The following EPN1 variants were observed in gnomAD, a reference collection of about 807,000 sequenced individuals.
EPN1 encodes the protein epsin-1.
A neutral mutation model predicts 56.9 loss-of-function variants in EPN1; 25 were observed. The ratio of observed to expected loss-of-function variants is 0.44; its 90% confidence interval spans 0.32 to 0.61. EPN1 has a LOEUF of 0.61. Among genes scored for constraint, EPN1 ranks in the 20% least tolerant of loss-of-function variants. EPN1 has a pLI of 0.05. For synonymous variants in EPN1, 411 were observed against 361.8 expected, an observed-to-expected ratio of 1.14 and a Z score of -1.54; for missense variants, 785 against 823.7, an observed-to-expected ratio of 0.95 and a Z score of 0.58.
rs988880645 is a variant in EPN1 at position 55,685,665 on chromosome 19, C to G, written c.478+20C>G. ...CCACGGGTGAGTCCCTCCCTGCGGCCCCTGACGGCCTAGAGTCTGTCCTCC... is the reference window on the plus strand; with the variant it reads ...CCACGGGTGAGTCCCTCCCTGCGGCGCCTGACGGCCTAGAGTCTGTCCTCC... On this transcript the variant is annotated intron_variant, in intron 3 of 10. Coordinates refer to ENST00000270460, the MANE Select transcript of EPN1 (RefSeq NM_001130072.2). The G allele has an allele frequency of 4.4e-6, 7 of 1,577,668 alleles. No homozygotes were observed. The highest frequency in any genetic ancestry group is 1.4e-5 in the African/African-American group (1 of 74,036).
rs1035109025 is a variant in EPN1 at position 55,697,415 on chromosome 19, G to C, written c.*2059G>C. 2 of 152,206 alleles carry C rather than the reference G, an allele frequency of 1.3e-5. No individual in the cohort carries two copies. Among genetic ancestry groups the C allele is most frequent in the African/African-American group, 2.4e-5 (1 of 41,440 alleles). 9.4% of individuals were successfully genotyped at this position (152,206 alleles called of 1,614,324 possible). The stretch of plus-strand genomic sequence containing the variant: ...AATTAAGGATAAGTTTCACGATTTC[G>C]CACTGCGGAGCCTGCACTCCCTTTC... On this transcript the variant is annotated 3_prime_UTR_variant, in exon 11 of 11. Coordinates refer to ENST00000270460, the MANE Select transcript of EPN1 (RefSeq NM_001130072.2).
In EPN1 at chr19:55,689,504, T is replaced by G; in HGVS notation, c.678+133T>G. 1.2e-5 allele frequency: 8 copies of G among 676,004 alleles called. No individual in the cohort carries two copies. The highest frequency in any genetic ancestry group is 1.8e-5 in the Non-Finnish European group (7 of 383,772). 41.9% of individuals were successfully genotyped at this position (676,004 alleles called of 1,614,324 possible). A position where few individuals can be genotyped will look rare whatever the true frequency, so the allele number is the denominator to read the frequency against. ...AGGCTCACGCGTGTTGAAACCTCAG[T>G]ACCTTCAGCCGTAGGATGTAGGACC... On this transcript the variant is annotated intron_variant, in intron 5 of 10. Transcript: ENST00000270460. This position sits in a 1 kb window ranked among gnomAD's most constrained non-coding sequence, Gnocchi z 5.7.
In EPN1 at chr19:55,700,548, CGG is replaced by C. The variant is rs1987093395; in HGVS notation, c.*5193_*5194del. 8.4e-5 allele frequency: 12 copies of C among 143,254 alleles called. No individual in the cohort carries two copies. Among genetic ancestry groups the C allele is most frequent in the African/African-American group, 3.0e-4 (10 of 32,944 alleles). The allele number at this position is 143,254 out of a possible 1,614,324, so 8.9% of individuals were successfully genotyped here. On this transcript the variant is annotated 3_prime_UTR_variant, in exon 11 of 11. Coordinates refer to ENST00000270460, the MANE Select transcript of EPN1 (RefSeq NM_001130072.2). ...GTGCTGGGATTACAGGCGTGAGCCACGGCACCCGGCCCATAATTACAAACTTT... is the reference window on the plus strand; with the variant it reads ...GTGCTGGGATTACAGGCGTGAGCCACCACCCGGCCCATAATTACAAACTTT...
chr19:55,682,991 G>A (rs1457499866), intron 2 of EPN1, among the ~76,000 whole-genome samples: 1 of 151,880 alleles, frequency 6.6e-6, no homozygotes, highest in African/African-American at 2.4e-5. Flanking sequence ...TTCTGACCTC[G>A]TGATCCGCCC....
Position 55,702,413 on chromosome 19 carries a change from G to A in EPN1, c.*7057G>A, listed in dbSNP as rs888046609. The A allele has an allele frequency of 6.6e-6, 1 of 152,268 alleles. No individual in the cohort carries two copies. 9.4% of individuals were successfully genotyped at this position (152,268 alleles called of 1,614,324 possible). A position where few individuals can be genotyped will look rare whatever the true frequency, so the allele number is the denominator to read the frequency against. On this transcript the variant is annotated 3_prime_UTR_variant, in exon 11 of 11. Coordinates refer to ENST00000270460, the MANE Select transcript of EPN1 (RefSeq NM_001130072.2). The stretch of plus-strand genomic sequence containing the variant: ...CAGGCATCTCCCCCACGCGCTTCCA[G>A]CTTCCCTTAGTGTGCCTAAAGAAAG...
intron 3 of EPN1, among the ~76,000 whole-genome samples, chr19:55,686,715 G>A (rs905882650): frequency 1.3e-5 from 2 of 152,080 alleles, no homozygotes; most frequent in Admixed American, 6.5e-5. Context: ...TGAAGTGGAG[G>A]GAAGGAAGCC....
intron 2 of EPN1, among the ~76,000 whole-genome samples, chr19:55,679,466 G>A (rs920646336): frequency 6.6e-6 from 1 of 152,212 alleles, no homozygotes; most frequent in African/African-American, 2.4e-5. Flanking sequence ...CCATGGAGCC[G>A]ATTCACGTCT....
In EPN1 at chr19:55,709,351, A is replaced by G. The variant is rs572853766; in HGVS notation, c.*13995A>G. 1.1e-5 allele frequency: 2 copies of G among 175,542 alleles called. No individual in the cohort carries two copies. Among genetic ancestry groups the G allele is most frequent in the East Asian group, 3.0e-4 (2 of 6,622 alleles). The allele number at this position is 175,542 out of a possible 1,614,324, so 10.9% of individuals were successfully genotyped here. A position where few individuals can be genotyped will look rare whatever the true frequency, so the allele number is the denominator to read the frequency against. On this transcript the variant is annotated 3_prime_UTR_variant, in exon 11 of 11. Coordinates refer to ENST00000270460, the MANE Select transcript of EPN1 (RefSeq NM_001130072.2). ...TCATCTGATGTTCATATGCCCTGGC[A>G]CATCTATTGCTTCTTATAATGTGCT...
chr19:55,694,853 G>GC lies in EPN1; in HGVS notation c.1398dup (p.Thr467HisfsTer106). ...CACCTGCAGCCACACCAACTCCCAC[G>GC]CCCCCCACCCGGAAGACGCCGGAGT... is the stretch of plus-strand genomic sequence containing the variant. On this transcript the variant is annotated frameshift_variant, in exon 10 of 11. Transcript: ENST00000270460. LOFTEE classifies it high-confidence loss of function. This position sits in a 1 kb window ranked among gnomAD's most constrained non-coding sequence, Gnocchi z 4.2. 1.9e-6 allele frequency: 3 copies of GC among 1,608,408 alleles called. No homozygotes were observed. The highest frequency in any genetic ancestry group is 1.7e-5 in the Admixed American group (1 of 59,412).
intron 2 of EPN1, among the ~76,000 whole-genome samples, chr19:55,679,883 T>G (rs1199318472): frequency 2.0e-5 from 3 of 152,086 alleles, no homozygotes; most frequent in Admixed American, 2.0e-4. Flanking sequence ...TGGAAAACCC[T>G]GGAGGTGCAG....
intron 2 of EPN1, 142 bp downstream of exon 2, chr19:55,678,997 G>T (rs1235403185): frequency 6.3e-6 from 4 of 637,310 alleles, no homozygotes; most frequent in African/African-American, 5.5e-5. Flanking sequence ...TTTGTTTAAT[G>T]AAGGCAACGA....
At position 55,697,083 on chromosome 19, in the gene EPN1, A is replaced by AGG. The variant is rs1986938020; in HGVS notation, c.*1727_*1728insGG. Reference sequence around the variant, plus strand: ...GCCAGGGAGGGGAAGCCCTCTTCTCACACCCGGCCTGGGTATGTTGTGGGA... The same window carrying AGG: ...GCCAGGGAGGGGAAGCCCTCTTCTCAGGCACCCGGCCTGGGTATGTTGTGGGA... On this transcript the variant is annotated 3_prime_UTR_variant, in exon 11 of 11. Transcript: ENST00000270460. 6.6e-6 allele frequency: 1 copy of AGG among 152,142 alleles called. No homozygotes were observed. The highest frequency in any genetic ancestry group is 1.5e-5 in the Non-Finnish European group (1 of 68,008). 9.4% of individuals were successfully genotyped at this position (152,142 alleles called of 1,614,324 possible). A position where few individuals can be genotyped will look rare whatever the true frequency, so the allele number is the denominator to read the frequency against.
In EPN1 at chr19:55,689,976, C is replaced by T; in HGVS notation, c.762+26C>T. On this transcript the variant is annotated intron_variant, in intron 6 of 10. Coordinates refer to ENST00000270460, the MANE Select transcript of EPN1 (RefSeq NM_001130072.2). The surrounding 1 kb of genome is among the most constrained non-coding windows in gnomAD (Gnocchi z 5.7). ...GTGAGCGGGGCTTGTTCTGCCCTCC[C>T]TGGCCCCTGCAGGTGTCCGTCCGTC... 2.6e-6 allele frequency: 4 copies of T among 1,567,410 alleles called. No individual in the cohort carries two copies. The highest frequency in any genetic ancestry group is 4.7e-5 in the East Asian group (2 of 42,872).
chr19:55,681,260 C>T (rs1445289765), intron 2 of EPN1, among the ~76,000 whole-genome samples: 2 of 152,200 alleles, frequency 1.3e-5, no homozygotes, highest in Non-Finnish European at 2.9e-5. Flanking sequence ...GTAGCACACA[C>T]AGGTTCTCAT....
rs1987167365 is a variant in EPN1, at chr19:55,702,028, C to T, written c.*6672C>T. Reference sequence around the variant, plus strand: ...CCAGGCTGGAGTGCAGTGGTGTCATCTTGGCTCACTGCAACCTCCGCCTCC... The same window carrying T: ...CCAGGCTGGAGTGCAGTGGTGTCATTTTGGCTCACTGCAACCTCCGCCTCC... On this transcript the variant is annotated 3_prime_UTR_variant, in exon 11 of 11. Coordinates refer to ENST00000270460, the MANE Select transcript of EPN1 (RefSeq NM_001130072.2). 1.5e-5 allele frequency: 2 copies of T among 135,118 alleles called. No homozygotes were observed. The highest frequency in any genetic ancestry group is 5.8e-5 in the African/African-American group (2 of 34,420). 8.4% of individuals were successfully genotyped at this position (135,118 alleles called of 1,614,324 possible). A position where few individuals can be genotyped will look rare whatever the true frequency, so the allele number is the denominator to read the frequency against.
At chr19:55,683,914 C>T (rs1212286174) in intron 2 of EPN1, among the ~76,000 whole-genome samples, 2 of 152,154 alleles carry the variant, frequency 1.3e-5, no homozygotes, top group African/African-American at 4.8e-5. Flanking sequence ...ACGACTCTGC[C>T]CAGCGCGTTC....
intron 2 of EPN1, among the ~76,000 whole-genome samples, chr19:55,684,841 G>A (rs1364484486): frequency 2.6e-5 from 4 of 152,356 alleles, no homozygotes; most frequent in Admixed American, 6.5e-5. Context: ...GATGCCAGGC[G>A]ATGCCCATGG....
Position 55,707,607 on chromosome 19 carries a change from A to G in EPN1, c.*12251A>G, listed in dbSNP as rs773032316. On this transcript the variant is annotated 3_prime_UTR_variant, in exon 11 of 11. Transcript: ENST00000270460. ...TTTTCAGAACAATGTCCTAAGAACC[A>G]TAGGGGAAGTGGCCATAAAAACCAT... 1 of 154,524 alleles carries G rather than the reference A, an allele frequency of 6.5e-6. No homozygotes were observed. Among genetic ancestry groups the G allele is most frequent in the Non-Finnish European group, 1.5e-5 (1 of 68,240 alleles). The allele number at this position is 154,524 out of a possible 1,614,324, so 9.6% of individuals were successfully genotyped here. A position where few individuals can be genotyped will look rare whatever the true frequency, so the allele number is the denominator to read the frequency against.
intron 6 of EPN1, among the ~76,000 whole-genome samples, chr19:55,690,469 C>A (rs2122205387): frequency 6.6e-6 from 1 of 152,384 alleles, no homozygotes; most frequent in East Asian, 1.9e-4. Flanking sequence ...GCTTCCAGGT[C>A]ACGCTTCAGT....
Sources: gnomAD v4.1 joint callset for allele counts (sites outside exome capture counted in the v4.1 genomes callset) on GRCh38, gnomAD v4.1.1 for gene constraint, Gnocchi (gnomAD v3.1) non-coding constraint, MANE v1.5 for transcripts, NCBI Gene and HGNC (gene_info 2026-07-23, HGNC 2026-07-21) for gene names.